Variants in UBE2E2 observed in about 807,000 individuals in gnomAD.
The protein encoded by UBE2E2 is ubiquitin-conjugating enzyme E2 E2.
UBE2E2 carries 6 observed loss-of-function variants against 24.7 expected under a neutral mutation model. That is an observed-to-expected ratio of 0.24 (90% confidence interval 0.13 to 0.48). The LOEUF is 0.48. UBE2E2 is among the 20% of genes least tolerant of loss of function. The pLI, the probability that UBE2E2 is intolerant of heterozygous loss-of-function variation, is 0.99. For missense variants in UBE2E2, 169 were observed against 245.0 expected (o/e 0.69, Z 2.07); for synonymous variants, 104 against 83.6 (o/e 1.24, Z -1.33).
intron 3 of UBE2E2, among the ~76,000 whole-genome samples, chr3:23,256,734 A>AT (rs1350566319): frequency 1.3e-5 from 2 of 151,676 alleles, no homozygotes; most frequent in African/African-American, 4.8e-5. Flanking sequence ...TACATATTTG[A>AT]TTTTTAATCT....
rs1469087760 is a variant in UBE2E2, at chr3:23,583,538, A to C, written c.509-6196A>C. On this transcript the variant is annotated intron_variant, in intron 5 of 5. Coordinates refer to ENST00000396703, the MANE Select transcript of UBE2E2 (RefSeq NM_152653.4). This position sits in a 1 kb window ranked among gnomAD's most constrained non-coding sequence, Gnocchi z 4.1. ...TTTGGGCAGTATGGCCATTTTAACA[A>C]ACTTCTTCCTTTCCATGAGCTTGGA... is the stretch of plus-strand genomic sequence containing the variant. Among the ~76,000 whole-genome samples, 2 of 152,148 alleles carry C rather than the reference A, an allele frequency of 1.3e-5. No individual in the cohort carries two copies. Among genetic ancestry groups the C allele is most frequent in the African/African-American group, 4.8e-5 (2 of 41,442 alleles).
chr3:23,226,627 C>T (rs890641248), intron 3 of UBE2E2, among the ~76,000 whole-genome samples: 2 of 152,012 alleles, frequency 1.3e-5, no homozygotes, highest in Non-Finnish European at 2.9e-5. Context: ...GATGGCTTTA[C>T]GTAAGAGAAT....
At chr3:23,473,367 C>T (rs1699065458) in intron 3 of UBE2E2, among the ~76,000 whole-genome samples, 1 of 151,724 alleles carries the variant, frequency 6.6e-6, no homozygotes, top group African/African-American at 2.4e-5. Context: ...CCCCAGGGGT[C>T]AAAAAAAGCA....
At chr3:23,380,995 A>G (rs1255229261) in intron 3 of UBE2E2, among the ~76,000 whole-genome samples, 2 of 152,162 alleles carry the variant, frequency 1.3e-5, no homozygotes, top group Non-Finnish European at 1.5e-5. Context: ...TCTGTGCCTC[A>G]TTGTTAGGGT....
chr3:23,556,121 T>C lies in UBE2E2; in HGVS notation c.508+23420T>C, dbSNP rs187624839. Reference sequence around the variant, plus strand: ...TATTGTATCTTTTAACAACGTGTTGTATACCTTAAATATACAAACTTTTTT... The same window carrying C: ...TATTGTATCTTTTAACAACGTGTTGCATACCTTAAATATACAAACTTTTTT... On this transcript the variant is annotated intron_variant, in intron 5 of 5. Transcript: ENST00000396703. 1.2e-3 allele frequency among the ~76,000 whole-genome samples: 176 copies of C among 151,364 alleles called. 2 individuals are homozygous for C. Among genetic ancestry groups the C allele is most frequent in the East Asian group, 1.7e-3 (9 of 5,146 alleles).
At chr3:23,460,342 A>G (rs1357384409) in intron 3 of UBE2E2, among the ~76,000 whole-genome samples, 1 of 152,230 alleles carries the variant, frequency 6.6e-6, no homozygotes, top group African/African-American at 2.4e-5. Flanking sequence ...TGCCTACCAT[A>G]CAGAATGCTT....
At chr3:23,262,428 C>T (rs13080261) in intron 3 of UBE2E2, among the ~76,000 whole-genome samples, 58,804 of 151,850 alleles carry the variant, frequency 0.39, 12,000 homozygotes, top group Admixed American at 0.52. Context: ...CAGGTGCATG[C>T]CACCACACCC....
At chr3:23,352,387 G>T (rs1220438715) in intron 3 of UBE2E2, among the ~76,000 whole-genome samples, 2 of 152,138 alleles carry the variant, frequency 1.3e-5, no homozygotes, top group African/African-American at 4.8e-5. Flanking sequence ...TAAAATCAGA[G>T]CAGAACTGAA....
At chr3:23,341,191 A>T (rs1695379189) in intron 3 of UBE2E2, among the ~76,000 whole-genome samples, 1 of 152,202 alleles carries the variant, frequency 6.6e-6, no homozygotes, top group South Asian at 2.1e-4. Context: ...CTACAGACCT[A>T]AAGAGCAGAC....
At chr3:23,470,210 C>G (rs1699005321) in intron 3 of UBE2E2, among the ~76,000 whole-genome samples, 1 of 152,206 alleles carries the variant, frequency 6.6e-6, no homozygotes, top group South Asian at 2.1e-4. Flanking sequence ...TGTGCCCCTC[C>G]TTTTCCCACT....
intron 3 of UBE2E2, among the ~76,000 whole-genome samples, chr3:23,250,028 C>G (rs986338345): frequency 1.3e-5 from 2 of 152,190 alleles, no homozygotes; most frequent in African/African-American, 2.4e-5. Context: ...AGACACTGAT[C>G]TAAGTGGTTT....
At chr3:23,573,455 C>T (rs781165216) in intron 5 of UBE2E2, among the ~76,000 whole-genome samples, 1 of 152,060 alleles carries the variant, frequency 6.6e-6, no homozygotes, top group Admixed American at 6.6e-5. Context: ...ATTTTTTCCA[C>T]ACATAATAGA....
chr3:23,257,510 G>T (rs1288229490), intron 3 of UBE2E2, among the ~76,000 whole-genome samples: 4 of 27,386 alleles, frequency 1.5e-4, no homozygotes, highest in South Asian at 1.9e-3. Context: ...GCTGTTTCCC[G>T]TGCCCCCCCC....
At chr3:23,567,226 T>C (rs572701870) in intron 5 of UBE2E2, among the ~76,000 whole-genome samples, 213 of 152,304 alleles carry the variant, frequency 1.4e-3, no homozygotes, top group African/African-American at 4.9e-3. Flanking sequence ...TGATTTTTTA[T>C]CCATAATAGA....
chr3:23,577,987 C>A (rs1238381798), intron 5 of UBE2E2, among the ~76,000 whole-genome samples: 5 of 146,920 alleles, frequency 3.4e-5, no homozygotes, highest in Admixed American at 1.4e-4. Flanking sequence ...ATTTTAAGCC[C>A]ACGGTTGAGA....
chr3:23,535,158 T>C (rs745540011), intron 5 of UBE2E2, among the ~76,000 whole-genome samples: 18 of 152,214 alleles, frequency 1.2e-4, no homozygotes, highest in Admixed American at 9.8e-4. Context: ...CACTTAACTT[T>C]CCACAGGCTT....
rs944209447 is a variant in UBE2E2, at chr3:23,407,834, T to C, written c.228-91774T>C. Among the ~76,000 whole-genome samples, 1 of 152,096 alleles carries C rather than the reference T, an allele frequency of 6.6e-6. No homozygotes were observed. Among genetic ancestry groups the C allele is most frequent in the African/African-American group, 2.4e-5 (1 of 41,408 alleles). The stretch of plus-strand genomic sequence containing the variant: ...ATAGTTACCAATAATATAGGAAATA[T>C]AAAAAATTCTGTTTCCCAAAGATTT... On this transcript the variant is annotated intron_variant, in intron 3 of 5. Coordinates refer to ENST00000396703, the MANE Select transcript of UBE2E2 (RefSeq NM_152653.4). This position sits in a 1 kb window ranked among gnomAD's most constrained non-coding sequence, Gnocchi z 4.0.
chr3:23,518,147 C>T (rs1694784552), intron 4 of UBE2E2, among the ~76,000 whole-genome samples: 1 of 151,924 alleles, frequency 6.6e-6, no homozygotes, highest in African/African-American at 2.4e-5. Flanking sequence ...AAGATAAACC[C>T]AAAAGAACAG....
intron 4 of UBE2E2, among the ~76,000 whole-genome samples, chr3:23,522,723 G>T (rs947376065): frequency 2.0e-5 from 3 of 152,100 alleles, no homozygotes; most frequent in East Asian, 1.9e-4. Flanking sequence ...CTTCTATGAA[G>T]ATTTGAATCT....
Sources: gnomAD v4.1 joint callset for allele counts (sites outside exome capture counted in the v4.1 genomes callset) on GRCh38, gnomAD v4.1.1 for gene constraint, Gnocchi (gnomAD v3.1) non-coding constraint, MANE v1.5 for transcripts, NCBI Gene and HGNC (gene_info 2026-07-23, HGNC 2026-07-21) for gene names.